The following ZNF728 variants were observed in gnomAD, a reference collection of about 807,000 sequenced individuals.
ZNF728 encodes zinc finger protein 728.
In ZNF728, 12 loss-of-function variants were observed where a neutral mutation model predicts 12.5. That is an observed-to-expected ratio of 0.96 (90% CI 0.61 to 1.55). The LOEUF is 1.55. Among genes scored for constraint, ZNF728 ranks in the 40% most tolerant of loss-of-function variants. The pLI is 0.00. For synonymous variants in ZNF728, 205 were observed against 240.7 expected, an observed-to-expected ratio of 0.85 and a Z score of 1.37; for missense variants, 692 against 719.2, an observed-to-expected ratio of 0.96 and a Z score of 0.43.
chr19:22,993,061 TGTG>T lies in ZNF728; in HGVS notation c.4-4613_4-4611del, dbSNP rs1969007576. Among the ~76,000 whole-genome samples, 3 of 152,302 alleles carry T rather than the reference TGTG, an allele frequency of 2.0e-5. No homozygotes were observed. The South Asian group carries it at 6.2e-4, about 32-fold the overall frequency. ...ATCACATTTTACAGGTAGATATAGT[TGTG>T]GTCATGGCTCTGGATACTTTGTGGC... On this transcript the variant is annotated intron_variant, in intron 1 of 3. Transcript: ENST00000594710.
At chr19:22,988,015 G>A (rs1300392772) in intron 2 of ZNF728, among the ~76,000 whole-genome samples, 3 of 152,022 alleles carry the variant, frequency 2.0e-5, no homozygotes, top group Non-Finnish European at 4.4e-5. Flanking sequence ...CATGCTTCTT[G>A]AGGTTATCTA....
At chr19:23,002,846 C>A (rs1969126916) in intron 1 of ZNF728, among the ~76,000 whole-genome samples, 182 bp downstream of exon 1, 1 of 152,162 alleles carries the variant, frequency 6.6e-6, no homozygotes, top group Non-Finnish European at 1.5e-5. Flanking sequence ...GCCCGGGGAC[C>A]GGGTGTCAGC....
At chr19:22,979,908 C>G (rs936293721) in intron 3 of ZNF728, among the ~76,000 whole-genome samples, 1 of 152,052 alleles carries the variant, frequency 6.6e-6, no homozygotes, top group African/African-American at 2.4e-5. Flanking sequence ...CAAAAACATA[C>G]CAAATTGTAA....
chr19:22,993,374 C>T (rs1350869247), intron 1 of ZNF728, among the ~76,000 whole-genome samples: 3 of 152,200 alleles, frequency 2.0e-5, no homozygotes, highest in Non-Finnish European at 4.4e-5. Context: ...CAACCTCACT[C>T]TGCATTTTTG....
At position 22,984,605 on chromosome 19, in the gene ZNF728, CACACACACACAT is replaced by C. The variant is rs1274168277; in HGVS notation, c.226+2691_226+2702del. Among the ~76,000 whole-genome samples, 1,151 of 149,590 alleles carry C rather than the reference CACACACACACAT, an allele frequency of 7.7e-3. 12 individuals are homozygous for C. Among genetic ancestry groups the C allele is most frequent in the African/African-American group, 0.027 (1,094 of 40,588 alleles). On this transcript the variant is annotated intron_variant, in intron 3 of 3. Coordinates refer to ENST00000594710, the MANE Select transcript of ZNF728 (RefSeq NM_001267716.2). The stretch of plus-strand genomic sequence containing the variant: ...ACACACACACACACACACACACACA[CACACACACACAT>C]ATACACACACATAGGAATTTAACAA...
In ZNF728 at chr19:22,990,884, C is replaced by T. The variant is rs79894853; in HGVS notation, c.4-2433G>A. On this transcript the variant is annotated intron_variant, in intron 1 of 3. Coordinates refer to ENST00000594710, the MANE Select transcript of ZNF728 (RefSeq NM_001267716.2). ...CTAAGCATTTCCTCTCAAGCTCTAA[C>T]GAGCTTATAAATCACTTGGTAATTT... is the stretch of plus-strand genomic sequence containing the variant. Among the ~76,000 whole-genome samples the T allele has an allele frequency of 7.3e-3, 1,118 of 152,258 alleles. 12 individuals carry two copies. The highest frequency in any genetic ancestry group is 0.025 in the African/African-American group (1,048 of 41,540).
intron 1 of ZNF728, among the ~76,000 whole-genome samples, chr19:22,993,051 T>A (rs930030007): frequency 2.0e-5 from 3 of 152,146 alleles, no homozygotes; most frequent in Non-Finnish European, 4.4e-5. Flanking sequence ...ATTTTACAGG[T>A]AGATATAGTT....
At chr19:22,988,100 C>T (rs1968938260) in intron 2 of ZNF728, among the ~76,000 whole-genome samples, 2 of 151,998 alleles carry the variant, frequency 1.3e-5, no homozygotes, top group South Asian at 4.2e-4. Context: ...CTGACCACAA[C>T]CTCCCCCTTC....
In ZNF728 at chr19:22,976,777, T is replaced by A; in HGVS notation, c.560A>T (p.His187Leu). ...ATAAATTCTTTTATGTTGAGATAGG[T>A]GTGAAAGCATGCAAAATGATCTGAC... is the stretch of plus-strand genomic sequence containing the variant. ...EYVRSFCMLS[H>L]LSQHKRIYTR... The change falls in exon 4 of 4, where the codon CAC (histidine) becomes CTC (leucine). Residue 187 changes from histidine to leucine, a missense_variant. Physicochemically the swap from His to Leu is moderately conservative, Grantham distance 99. Transcript: ENST00000594710. 1 of 1,613,490 alleles carries A rather than the reference T, an allele frequency of 6.2e-7. No individual in the cohort carries two copies. Among genetic ancestry groups the A allele is most frequent in the Admixed American group, 1.7e-5 (1 of 59,886 alleles).
intron 1 of ZNF728, among the ~76,000 whole-genome samples, chr19:22,999,192 C>T (rs1969080735): frequency 6.6e-6 from 1 of 152,178 alleles, no homozygotes; most frequent in Non-Finnish European, 1.5e-5. Flanking sequence ...CCCTTTTCTA[C>T]CTAATCTTTG....
chr19:22,978,266 A>G (rs1968826527), intron 3 of ZNF728, among the ~76,000 whole-genome samples: 1 of 151,378 alleles, frequency 6.6e-6, no homozygotes, highest in African/African-American at 2.4e-5. Flanking sequence ...AAAGATTTAC[A>G]GGCCAGAAGA....
chr19:22,974,929 A>C lies in ZNF728; in HGVS notation c.*539T>G, dbSNP rs1415325568. Among the ~76,000 whole-genome samples, 1 of 152,188 alleles carries C rather than the reference A, an allele frequency of 6.6e-6. No individual in the cohort carries two copies. Among genetic ancestry groups the C allele is most frequent in the Non-Finnish European group, 1.5e-5 (1 of 68,036 alleles). The stretch of plus-strand genomic sequence containing the variant: ...GGCTAGTGTAAATGCTTTCCTTTGC[A>C]ATTAGGCATGAGCATTGGTTAAATG... On this transcript the variant is annotated 3_prime_UTR_variant, in exon 4 of 4. Coordinates refer to ENST00000594710, the MANE Select transcript of ZNF728 (RefSeq NM_001267716.2).
intron 3 of ZNF728, among the ~76,000 whole-genome samples, chr19:22,982,464 C>T (rs1968870490): frequency 6.6e-6 from 1 of 152,160 alleles, no homozygotes; most frequent in Non-Finnish European, 1.5e-5. Flanking sequence ...AGATTCAACA[C>T]TATTCCATCA....
chr19:23,001,665 GA>G (rs1405365207), intron 1 of ZNF728, among the ~76,000 whole-genome samples: 2 of 152,104 alleles, frequency 1.3e-5, no homozygotes, highest in Non-Finnish European at 2.9e-5. Flanking sequence ...TGTGTCTACG[GA>G]AAACAGAAGA....
intron 1 of ZNF728, among the ~76,000 whole-genome samples, chr19:23,001,163 C>A (rs1387612784): frequency 6.6e-6 from 1 of 152,128 alleles, no homozygotes; most frequent in Admixed American, 6.6e-5. Context: ...ATTTCACAAA[C>A]CTTTTACCAT....
Position 22,983,781 on chromosome 19 carries a change from C to G in ZNF728, c.226+3527G>C, listed in dbSNP as rs543259671. Reference sequence around the variant, plus strand: ...ACAGAAAATCAAACTAGCATGTTGTCACTCATAAGTGGGAGTTGAACAACG... The same window carrying G: ...ACAGAAAATCAAACTAGCATGTTGTGACTCATAAGTGGGAGTTGAACAACG... On this transcript the variant is annotated intron_variant, in intron 3 of 3. Transcript: ENST00000594710. Among the ~76,000 whole-genome samples the G allele has an allele frequency of 3.9e-5, 6 of 152,236 alleles. No homozygotes were observed. In the East Asian group the frequency reaches 1.2e-3, roughly 29 times the overall value.
At chr19:22,988,608 C>T (rs1477373340) in intron 1 of ZNF728, among the ~76,000 whole-genome samples, 157 bp from the exon 2 acceptor site, 1 of 152,170 alleles carries the variant, frequency 6.6e-6, no homozygotes, top group Non-Finnish European at 1.5e-5. Flanking sequence ...CAACAATATT[C>T]TCTAATGTAT....
At chr19:22,979,439 CTT>C (rs2032266518) in intron 3 of ZNF728, among the ~76,000 whole-genome samples, 1 of 152,182 alleles carries the variant, frequency 6.6e-6, no homozygotes, top group African/African-American at 2.4e-5. Flanking sequence ...GGAAAACACT[CTT>C]CAGGATATCA....
intron 3 of ZNF728, among the ~76,000 whole-genome samples, chr19:22,982,234 G>A (rs1202387753): frequency 1.3e-5 from 2 of 151,904 alleles, no homozygotes; most frequent in South Asian, 4.2e-4. Flanking sequence ...CAATAATAGA[G>A]AGCCAAATCA....
Sources: allele counts gnomAD v4.1 joint callset (sites outside exome capture counted in the v4.1 genomes callset), GRCh38; gene constraint gnomAD v4.1.1; transcripts MANE v1.5; gene names NCBI Gene and HGNC (gene_info 2026-07-23, HGNC 2026-07-21).